The following MAST4 variants were observed in gnomAD, a reference collection of about 807,000 sequenced individuals.
The protein encoded by MAST4 is microtubule-associated serine/threonine-protein kinase 4.
In MAST4, 89 loss-of-function variants were observed where a neutral mutation model predicts 162.7. The ratio of observed to expected loss-of-function variants is 0.55; its 90% CI spans 0.46 to 0.65. MAST4 has a LOEUF of 0.65. Ranked by LOEUF, MAST4 falls within the 30% of genes least tolerant of loss-of-function variation. The pLI, the probability that MAST4 is intolerant of heterozygous loss-of-function variation, is 0.00. For missense variants in MAST4, 3,153 were observed against 3,374.0 expected (o/e 0.93, Z 1.62); for synonymous variants, 1,479 against 1,361.1 (o/e 1.09, Z -1.91).
intron 4 of MAST4, among the ~76,000 whole-genome samples, chr5:66,990,269 T>C (rs184089157): frequency 1.1e-4 from 17 of 152,266 alleles, no homozygotes; most frequent in Admixed American, 2.0e-4. Context: ...TTTTACAGAA[T>C]AGGAAACTAA....
chr5:66,997,965 G>C (rs77270607), intron 4 of MAST4, among the ~76,000 whole-genome samples: 1 of 152,192 alleles, frequency 6.6e-6, no homozygotes, highest in Non-Finnish European at 1.5e-5. Context: ...GATTGTTACA[G>C]AAGCATGTGA....
Position 66,970,944 on chromosome 5 carries a change from C to A in MAST4, c.674+70962C>A, listed in dbSNP as rs577159977. 3.3e-5 allele frequency among the ~76,000 whole-genome samples: 5 copies of A among 152,334 alleles called. 1 individual carries two copies. The highest frequency in any genetic ancestry group is 1.2e-4 in the African/African-American group (5 of 41,570). ...CCAGTGTGATGCTCAAAAGCACTCC[C>A]CTTTCACTTTCAAAACCTCCAGGTT... On this transcript the variant is annotated intron_variant, in intron 4 of 28. Coordinates refer to ENST00000403625, the MANE Select transcript of MAST4 (RefSeq NM_001164664.2).
chr5:67,009,594 G>T (rs1214884507), intron 4 of MAST4, among the ~76,000 whole-genome samples: 3 of 152,208 alleles, frequency 2.0e-5, no homozygotes, highest in African/African-American at 7.2e-5. Context: ...ATTCATATGT[G>T]TAAAATGCTT....
intron 17 of MAST4, 107 bp from the exon 18 acceptor site, chr5:67,134,416 T>A (rs1468656835): frequency 5.8e-6 from 5 of 858,950 alleles, no homozygotes; most frequent in Non-Finnish European, 8.8e-6. Context: ...TGGTTCCATG[T>A]GGTTGAGCAG....
At chr5:67,126,274 T>A (rs770858816) in intron 14 of MAST4, among the ~76,000 whole-genome samples, 1 of 152,212 alleles carries the variant, frequency 6.6e-6, no homozygotes, top group Non-Finnish European at 1.5e-5. Context: ...CTATTTTGGC[T>A]TTTGTTGCCA....
intron 1 of MAST4, among the ~76,000 whole-genome samples, chr5:66,745,953 C>T (rs897313182): frequency 6.6e-6 from 1 of 152,050 alleles, no homozygotes; most frequent in African/African-American, 2.4e-5. Context: ...ATGAATACTG[C>T]GGGACTGCAG....
intron 19 of MAST4, among the ~76,000 whole-genome samples, chr5:67,141,741 C>A (rs1413708502): frequency 6.6e-6 from 1 of 152,136 alleles, no homozygotes; most frequent in African/African-American, 2.4e-5. Context: ...ACATTTTGCA[C>A]CTTGTTAGAA....
Position 66,861,261 on chromosome 5 carries a change from AT to A in MAST4, c.643-38688del, listed in dbSNP as rs146979028. On this transcript the variant is annotated intron_variant, in intron 3 of 28. Coordinates refer to ENST00000403625, the MANE Select transcript of MAST4 (RefSeq NM_001164664.2). ...AATGCTTAAAATCCCTGTGAAATCA[AT>A]TATGAGGAGTTTGTAACTGGAAGTG... Among the ~76,000 whole-genome samples the A allele has an allele frequency of 8.9e-3, 1,350 of 152,324 alleles. 8 individuals are homozygous for A. Among genetic ancestry groups the A allele is most frequent in the South Asian group, 0.036 (174 of 4,816 alleles).
At position 67,163,882 on chromosome 5, in the gene MAST4, A is replaced by G. The variant is rs763093077; in HGVS notation, c.4703A>G (p.Lys1568Arg). The G allele has an allele frequency of 6.2e-7, 1 of 1,614,030 alleles. No homozygotes were observed. Among genetic ancestry groups the G allele is most frequent in the South Asian group, 1.1e-5 (1 of 91,078 alleles). ...GSDLENFALF[K>R]LEEREKKVYP... is the part of the protein sequence containing the mutation. ...GATTTGGAAAACTTTGCTCTGTTTA[A>G]GCTGGAAGAGAGAGAGAAGAAAGTC... Residue 1568 changes from lysine to arginine, a missense_variant, in exon 29 of 29, where the codon AAG becomes AGG. Coordinates refer to ENST00000403625, the MANE Select transcript of MAST4 (RefSeq NM_001164664.2). The surrounding 1 kb of genome is among the most constrained non-coding windows in gnomAD (Gnocchi z 7.0).
chr5:67,085,390 C>T (rs1325712725), intron 5 of MAST4, among the ~76,000 whole-genome samples: 1 of 152,166 alleles, frequency 6.6e-6, no homozygotes, highest in Non-Finnish European at 1.5e-5. Context: ...CCACTGGCCA[C>T]AGAACAGCTA....
At chr5:66,639,414 A>C (rs1745341277) in intron 1 of MAST4, among the ~76,000 whole-genome samples, 4 of 152,044 alleles carry the variant, frequency 2.6e-5, no homozygotes, top group Non-Finnish European at 5.9e-5. Flanking sequence ...TGATTTTTGG[A>C]ATTAAGTGTT....
chr5:66,809,355 T>C lies in MAST4; in HGVS notation c.642+20561T>C, dbSNP rs1225035867. On this transcript the variant is annotated intron_variant, in intron 3 of 28. Coordinates refer to ENST00000403625, the MANE Select transcript of MAST4 (RefSeq NM_001164664.2). ...GCCTTAATGGTCACCCATGTCACCATTACAAATTCAGAACTGTATAGTTGT... is the reference window on the plus strand; with the variant it reads ...GCCTTAATGGTCACCCATGTCACCACTACAAATTCAGAACTGTATAGTTGT... 3.3e-5 allele frequency among the ~76,000 whole-genome samples: 5 copies of C among 152,304 alleles called. No homozygotes were observed. The East Asian group carries it at 7.7e-4, about 24-fold the overall frequency.
chr5:67,152,764 G>T lies in MAST4; in HGVS notation c.3423G>T (p.Pro1141=). ...CAGCTTCTGCCAGTCCACATCAGCC[G>T]ATTGTGATCCACAGTTCGGGGAAGA... ...SSAASASPHQ[P]IVIHSSGKNY... is the part of the protein sequence containing the mutation. Residue 1141 remains proline, a synonymous_variant, in exon 25 of 29, where the codon CCG becomes CCT. Transcript: ENST00000403625. The T allele has an allele frequency of 1.2e-6, 2 of 1,614,016 alleles. No individual in the cohort carries two copies. Among genetic ancestry groups the T allele is most frequent in the Non-Finnish European group, 1.7e-6 (2 of 1,179,890 alleles).
intron 1 of MAST4, among the ~76,000 whole-genome samples, chr5:66,732,567 G>T (rs1751917896): frequency 6.6e-6 from 1 of 152,192 alleles, no homozygotes; most frequent in Non-Finnish European, 1.5e-5. Flanking sequence ...CTTCTGACTG[G>T]TTTCTTAAGG....
chr5:67,130,509 C>T, intron 15 of MAST4, 91 bp downstream of exon 15: 2 of 1,266,216 alleles, frequency 1.6e-6, no homozygotes, highest in Non-Finnish European at 2.2e-6. Flanking sequence ...CACATAATGG[C>T]TGTATCCACC....
chr5:66,758,157 C>G (rs1753657899), intron 1 of MAST4, among the ~76,000 whole-genome samples: 1 of 151,540 alleles, frequency 6.6e-6, no homozygotes, highest in African/African-American at 2.4e-5. Flanking sequence ...TCTTCAAGGG[C>G]CTCTCACTAA....
At chr5:66,990,426 A>G (rs990212215) in intron 4 of MAST4, among the ~76,000 whole-genome samples, 2 of 152,190 alleles carry the variant, frequency 1.3e-5, no homozygotes, top group African/African-American at 2.4e-5. Context: ...ACTTGAGCCC[A>G]GGAGGTCAAG....
At chr5:66,919,957 CTTCCTTCCTTCCTTCCTTCT>C (rs1276106621) in intron 4 of MAST4, among the ~76,000 whole-genome samples, 1 of 42,674 alleles carries the variant, frequency 2.3e-5, no homozygotes, top group South Asian at 9.4e-4. Context: ...TCCTTCCTTC[CTTCCTTCCTTCCTTCCTTCT>C]TTCTCTCTCT....
At chr5:67,092,644 C>T (rs1763998430) in intron 6 of MAST4, among the ~76,000 whole-genome samples, 3 of 152,190 alleles carry the variant, frequency 2.0e-5, no homozygotes, top group Admixed American at 2.0e-4. Context: ...ACTGCTTTCA[C>T]TTTTGATGGA....
Sources: allele counts gnomAD v4.1 joint callset (sites outside exome capture counted in the v4.1 genomes callset), GRCh38; gene constraint gnomAD v4.1.1; non-coding constraint Gnocchi (gnomAD v3.1); transcripts MANE v1.5; gene names NCBI Gene and HGNC (gene_info 2026-07-23, HGNC 2026-07-21).